The following SLIT3 variants were observed in gnomAD, a reference collection of about 807,000 sequenced individuals.
SLIT3 encodes the protein slit guidance ligand 3.
A neutral mutation model predicts 184.0 loss-of-function variants in SLIT3; 68 were observed. The ratio of observed to expected loss-of-function variants is 0.37; its 90% confidence interval spans 0.30 to 0.45. The LOEUF is 0.45. SLIT3 is among the 20% of genes least tolerant of loss of function. The pLI is 1.00. For synonymous variants in SLIT3, 831 were observed against 828.6 expected (o/e 1.00, Z -0.05); for missense variants, 1,707 against 2,026.0 (o/e 0.84, Z 3.02).
chr5:169,101,710 C>A (rs1581411079), intron 4 of SLIT3, among the ~76,000 whole-genome samples: 1 of 152,170 alleles, frequency 6.6e-6, no homozygotes, highest in East Asian at 1.9e-4. Context: ...CACTCGCTAC[C>A]CCTCTCTGGT....
At chr5:168,949,612 T>C (rs1762587769) in intron 4 of SLIT3, among the ~76,000 whole-genome samples, 1 of 152,178 alleles carries the variant, frequency 6.6e-6, no homozygotes, top group South Asian at 2.1e-4. Flanking sequence ...TGTCTTGTTT[T>C]TTTTGAGGCA....
chr5:168,727,998 G>A (rs1049925530), intron 20 of SLIT3, among the ~76,000 whole-genome samples: 4 of 152,102 alleles, frequency 2.6e-5, no homozygotes, highest in African/African-American at 7.2e-5. Context: ...AGGGAGATCC[G>A]AGGGAGTTGC....
intron 35 of SLIT3, among the ~76,000 whole-genome samples, chr5:168,668,056 G>T (rs1360249086): frequency 1.3e-5 from 2 of 152,232 alleles, no homozygotes; most frequent in African/African-American, 4.8e-5. Context: ...ATAAAATGTG[G>T]AAAAGTCCTC....
Position 168,785,782 on chromosome 5 carries a change from C to T in SLIT3, c.1151+125G>A, listed in dbSNP as rs568041885. 8 of 711,400 alleles carry T rather than the reference C, an allele frequency of 1.1e-5. No homozygotes were observed. In the Admixed American group the frequency reaches 1.9e-4, roughly 17 times the overall value. 44.1% of individuals were successfully genotyped at this position (711,400 alleles called of 1,614,324 possible). On this transcript the variant is annotated intron_variant, in intron 12 of 35. Transcript: ENST00000519560. The stretch of plus-strand genomic sequence containing the variant: ...AAACGGAGGTGAAGCGTGGACAGCT[C>T]AAACATTTTTTTCTCTTTTGTCTGC...
At chr5:168,992,634 C>T (rs1419863857) in intron 4 of SLIT3, among the ~76,000 whole-genome samples, 2 of 152,132 alleles carry the variant, frequency 1.3e-5, no homozygotes, top group Non-Finnish European at 2.9e-5. Flanking sequence ...AAAGGAAGGC[C>T]TGGGGTCCTG....
intron 8 of SLIT3, 100 bp from the exon 9 acceptor site, chr5:168,806,687 C>A (rs576101065): frequency 4.4e-6 from 6 of 1,366,800 alleles, no homozygotes; most frequent in African/African-American, 1.4e-5. Context: ...CATGACCTGA[C>A]AGCCATCTGA....
intron 4 of SLIT3, among the ~76,000 whole-genome samples, chr5:168,949,067 G>T (rs939483611): frequency 1.3e-5 from 2 of 152,158 alleles, no homozygotes; most frequent in Non-Finnish European, 2.9e-5. Flanking sequence ...ACTTCCTGGG[G>T]CATATGAGCA....
At chr5:168,942,659 C>T (rs2113210853) in intron 4 of SLIT3, among the ~76,000 whole-genome samples, 1 of 151,126 alleles carries the variant, frequency 6.6e-6, no homozygotes, top group Middle Eastern at 3.4e-3. Flanking sequence ...ATTCCACATT[C>T]CCCTTGGCCT....
intron 4 of SLIT3, among the ~76,000 whole-genome samples, chr5:169,176,003 C>T (rs1581019607): frequency 6.6e-6 from 1 of 152,234 alleles, no homozygotes; most frequent in East Asian, 1.9e-4. Flanking sequence ...CTCTTTATCA[C>T]CCAGGGTTTC....
intron 6 of SLIT3, among the ~76,000 whole-genome samples, chr5:168,824,190 T>A (rs1449647919): frequency 6.6e-6 from 1 of 152,178 alleles, no homozygotes; most frequent in African/African-American, 2.4e-5. Context: ...CACCCCGCCT[T>A]GGCCTCCCAA....
At chr5:168,978,776 CT>C (rs1226402551) in intron 4 of SLIT3, among the ~76,000 whole-genome samples, 13 of 152,264 alleles carry the variant, frequency 8.5e-5, no homozygotes, top group Middle Eastern at 3.4e-3. Flanking sequence ...GGTGATTAGT[CT>C]CTGTTAAGTA....
chr5:168,909,126 C>G (rs150167545), intron 4 of SLIT3, among the ~76,000 whole-genome samples: 2 of 152,220 alleles, frequency 1.3e-5, no homozygotes, highest in South Asian at 4.1e-4. Context: ...ATCTATCATG[C>G]CTGCATGCGT....
At chr5:168,781,177 G>T (rs960499270) in intron 12 of SLIT3, among the ~76,000 whole-genome samples, 1 of 152,192 alleles carries the variant, frequency 6.6e-6, no homozygotes, top group Non-Finnish European at 1.5e-5. Flanking sequence ...AGACATAGGA[G>T]GGTGCTAGGA....
chr5:169,008,780 T>C (rs1325336973), intron 4 of SLIT3, among the ~76,000 whole-genome samples: 1 of 152,216 alleles, frequency 6.6e-6, no homozygotes, highest in Non-Finnish European at 1.5e-5. Flanking sequence ...TGGAAAGTAT[T>C]CCTGCCCTTC....
At chr5:169,014,677 G>A (rs1756295691) in intron 4 of SLIT3, among the ~76,000 whole-genome samples, 1 of 152,218 alleles carries the variant, frequency 6.6e-6, no homozygotes, top group Non-Finnish European at 1.5e-5. Flanking sequence ...TCATGCTGGT[G>A]CAGTGGTTCA....
chr5:168,830,023 T>G (rs1202280499), intron 6 of SLIT3, among the ~76,000 whole-genome samples: 1 of 152,224 alleles, frequency 6.6e-6, no homozygotes, highest in Non-Finnish European at 1.5e-5. Flanking sequence ...GCTGGGCAGC[T>G]GCTGATGGGC....
At chr5:169,262,699 G>T (rs1766236543) in intron 1 of SLIT3, among the ~76,000 whole-genome samples, 1 of 151,976 alleles carries the variant, frequency 6.6e-6, no homozygotes, top group Non-Finnish European at 1.5e-5. Context: ...ATAAGAAGGG[G>T]GTTCTCATTA....
chr5:168,704,695 G>C (rs1336914570), intron 26 of SLIT3, among the ~76,000 whole-genome samples: 1 of 152,206 alleles, frequency 6.6e-6, no homozygotes, highest in Non-Finnish European at 1.5e-5. Context: ...ATTAAGAGTA[G>C]CTGCTACCAA....
Position 168,823,345 on chromosome 5 carries a change from C to T in SLIT3, c.558-14G>A, listed in dbSNP as rs924875. On this transcript the variant is annotated splice_polypyrimidine_tract_variant and intron_variant, in intron 6 of 35. Coordinates refer to ENST00000519560, the MANE Select transcript of SLIT3 (RefSeq NM_003062.4). Reference sequence around the variant, plus strand: ...TTGTTGAGGGTACTGTGGAGATAGACAAGGGAGATGGTCAGCCAGGCAGCA... The same window carrying T: ...TTGTTGAGGGTACTGTGGAGATAGATAAGGGAGATGGTCAGCCAGGCAGCA... 4.4e-6 allele frequency: 7 copies of T among 1,606,500 alleles called. No homozygotes were observed. The highest frequency in any genetic ancestry group is 5.1e-6 in the Non-Finnish European group (6 of 1,173,520).
Sources: gnomAD v4.1 joint callset for allele counts (sites outside exome capture counted in the v4.1 genomes callset) on GRCh38, gnomAD v4.1.1 for gene constraint, MANE v1.5 for transcripts, NCBI Gene and HGNC (gene_info 2026-07-23, HGNC 2026-07-21) for gene names.